Variants in MORN1 observed in about 807,000 individuals in gnomAD.
MORN1 encodes MORN repeat-containing protein 1.
In MORN1, 67 loss-of-function variants were observed where a neutral mutation model predicts 61.9. The observed-to-expected ratio is 1.08, with a 90% CI of 0.89 to 1.33. MORN1 has a LOEUF of 1.33. Among genes scored for constraint, MORN1 ranks in the 40% most tolerant of loss-of-function variants. The pLI, the probability that MORN1 is intolerant of heterozygous loss-of-function variation, is 0.00. For synonymous variants in MORN1, 301 were observed against 292.0 expected (o/e 1.03, Z -0.31); for missense variants, 752 against 691.2 (o/e 1.09, Z -0.99).
chr1:2,357,049 G>A lies in MORN1; in HGVS notation c.1036+383C>T, dbSNP rs554361514. Among the ~76,000 whole-genome samples the A allele has an allele frequency of 1.8e-3, 267 of 152,288 alleles. No homozygotes were observed. The highest frequency in any genetic ancestry group is 2.9e-3 in the Non-Finnish European group (196 of 68,002). On this transcript the variant is annotated intron_variant, in intron 10 of 13. Coordinates refer to ENST00000378531, the MANE Select transcript of MORN1 (RefSeq NM_024848.3). This position sits in a 1 kb window ranked among gnomAD's most constrained non-coding sequence, Gnocchi z 6.3. ...CGGCGCCGCGGCCCCCAGAGCCATG[G>A]CCGGCGGCTGCTGTGAGGGCTCCCG...
rs1340816240 is a variant in MORN1 at position 2,337,025 on chromosome 1, C to T, written c.1037-175G>A. Reference sequence around the variant, plus strand: ...GCAGGGACTGTCCATCCTGGGTGCTCCCTCCGGCCGCCGACAGGGGAGGTG... The same window carrying T: ...GCAGGGACTGTCCATCCTGGGTGCTTCCTCCGGCCGCCGACAGGGGAGGTG... On this transcript the variant is annotated intron_variant, in intron 10 of 13. Coordinates refer to ENST00000378531, the MANE Select transcript of MORN1 (RefSeq NM_024848.3). The surrounding 1 kb of genome is among the most constrained non-coding windows in gnomAD (Gnocchi z 5.7). Among the ~76,000 whole-genome samples the T allele has an allele frequency of 2.0e-5, 3 of 152,102 alleles. No homozygotes were observed. Among genetic ancestry groups the T allele is most frequent in the South Asian group, 2.1e-4 (1 of 4,826 alleles).
chr1:2,356,976 C>A (rs1013468711), intron 10 of MORN1, among the ~76,000 whole-genome samples: 3 of 152,200 alleles, frequency 2.0e-5, no homozygotes, highest in African/African-American at 4.8e-5. Flanking sequence ...CGTGAGGCAA[C>A]CCGTGCAGAA....
chr1:2,361,814 C>A (rs1641896389), intron 8 of MORN1, among the ~76,000 whole-genome samples: 1 of 152,116 alleles, frequency 6.6e-6, no homozygotes, highest in South Asian at 2.1e-4. Flanking sequence ...ACACTGTTGA[C>A]CAGAAGCCTT....
intron 10 of MORN1, among the ~76,000 whole-genome samples, chr1:2,341,014 C>T (rs999890607): frequency 5.9e-5 from 9 of 152,256 alleles, no homozygotes; most frequent in African/African-American, 1.4e-4. Context: ...CCTCCTTGCA[C>T]GTCTCCACCC....
chr1:2,380,393 C>G (rs1642345421), intron 6 of MORN1, among the ~76,000 whole-genome samples: 1 of 152,162 alleles, frequency 6.6e-6, no homozygotes, highest in African/African-American at 2.4e-5. Flanking sequence ...AAATCCCAGC[C>G]CTTTGGGGGC....
At chr1:2,346,817 G>C (rs115202793) in intron 10 of MORN1, among the ~76,000 whole-genome samples, 5 of 152,188 alleles carry the variant, frequency 3.3e-5, no homozygotes, top group African/African-American at 9.7e-5. Context: ...GAGTACCGAG[G>C]CTCCTGCCGG....
intron 10 of MORN1, among the ~76,000 whole-genome samples, chr1:2,354,221 C>T (rs535019532): frequency 5.3e-5 from 8 of 152,216 alleles, no homozygotes; most frequent in South Asian, 2.1e-4. Flanking sequence ...AGGACCCTGC[C>T]GACCGTGCTC....
intron 10 of MORN1, among the ~76,000 whole-genome samples, chr1:2,349,571 T>A (rs1641602187): frequency 6.6e-6 from 1 of 152,200 alleles, no homozygotes; most frequent in South Asian, 2.1e-4. Flanking sequence ...GAAAAAGAAT[T>A]TATAGCACAA....
At position 2,336,808 on chromosome 1, in the gene MORN1, A is replaced by G. The variant is rs764789089; in HGVS notation, c.1079T>C (p.Val360Ala). Reference protein sequence around the residue: ...APHCPGACQRVEQGCAEFTDV... With the variant: ...APHCPGACQRAEQGCAEFTDV... ...TGTGAACTCGGCACAGCCCTGCTCC[A>G]CTCGCTGACAGGCCCCGGGACAATG... is the stretch of plus-strand genomic sequence containing the variant. The change falls in exon 11 of 14, where the codon GTG becomes GCG. Residue 360 changes from valine (V) to alanine (A), a missense_variant. Transcript: ENST00000378531. 1 of 1,598,196 alleles carries G rather than the reference A, an allele frequency of 6.3e-7. No individual in the cohort carries two copies. Among genetic ancestry groups the G allele is most frequent in the East Asian group, 2.2e-5 (1 of 44,526 alleles).
chr1:2,334,047 A>G lies in MORN1; in HGVS notation c.1250+2422T>C, dbSNP rs1455903628. ...GAGCTTCTTCCTCACCGCAGAGCAG[A>G]CAGAAGGCATGGGGGTCACAGCTGG... is the stretch of plus-strand genomic sequence containing the variant. On this transcript the variant is annotated intron_variant, in intron 12 of 13. Coordinates refer to ENST00000378531, the MANE Select transcript of MORN1 (RefSeq NM_024848.3). The surrounding 1 kb of genome is among the most constrained non-coding windows in gnomAD (Gnocchi z 5.4). 3.3e-5 allele frequency among the ~76,000 whole-genome samples: 5 copies of G among 152,082 alleles called. No individual in the cohort carries two copies. The highest frequency in any genetic ancestry group is 7.4e-5 in the Non-Finnish European group (5 of 68,006).
Position 2,358,679 on chromosome 1 carries a change from A to T in MORN1, c.782T>A (p.Val261Asp), listed in dbSNP as rs760812786. Residue 261 changes from valine (V) to aspartate (D), a missense_variant, in exon 9 of 14, where the codon GTC becomes GAC. Transcript: ENST00000378531. ...SGRVLQISAG[V>D]RYVQLSAYSE... is the part of the protein sequence containing the mutation. ...GTAGGCTGACAGCTGCACGTATCTG[A>T]CGCCCGCTGAGATCTGCAGGACCCG... 1 of 1,613,634 alleles carries T rather than the reference A, an allele frequency of 6.2e-7. No individual in the cohort carries two copies.
intron 8 of MORN1, chr1:2,371,239 A>ACAC (rs1216826685): frequency 2.0e-5 from 3 of 150,926 alleles, no homozygotes; most frequent in Admixed American, 6.6e-5. Context: ...AACAACAACA[A>ACAC]CACCAAGAAG....
rs1296096546 is a variant in MORN1 at position 2,324,210 on chromosome 1, C to T, written c.1251-67G>A. The stretch of plus-strand genomic sequence containing the variant: ...GGCCCCGACGACATGGCATCCCTGA[C>T]CTGAACCAGGGCTAGTGGCTCCAGG... On this transcript the variant is annotated intron_variant, in intron 12 of 13. Transcript: ENST00000378531. 4.7e-6 allele frequency: 7 copies of T among 1,502,622 alleles called. No homozygotes were observed. In the East Asian group the frequency reaches 1.2e-4, roughly 26 times the overall value. 93.1% of individuals were successfully genotyped at this position (1,502,622 alleles called of 1,614,324 possible). A position where few individuals can be genotyped will look rare whatever the true frequency, so the allele number is the denominator to read the frequency against.
At position 2,334,521 on chromosome 1, in the gene MORN1, G is replaced by A. The variant is rs1214757596; in HGVS notation, c.1250+1948C>T. ...GTAAGGCCAGCTGCATGGAGAGGCG[G>A]GGCTCCCTTGGGGGAGCAGGCCTGG... On this transcript the variant is annotated intron_variant, in intron 12 of 13. Coordinates refer to ENST00000378531, the MANE Select transcript of MORN1 (RefSeq NM_024848.3). The surrounding 1 kb of genome is among the most constrained non-coding windows in gnomAD (Gnocchi z 5.4). Among the ~76,000 whole-genome samples the A allele has an allele frequency of 6.6e-6, 1 of 152,106 alleles. No individual in the cohort carries two copies. The highest frequency in any genetic ancestry group is 1.5e-5 in the Non-Finnish European group (1 of 67,988).
chr1:2,323,339 G>C, intron 13 of MORN1: 12 of 985,454 alleles, frequency 1.2e-5, no homozygotes, highest in Non-Finnish European at 1.4e-5. Flanking sequence ...AGACCCCAGT[G>C]AGCAGCGGGT....
At chr1:2,327,440 G>GCAGAAACACAGCAACACAAACA (rs1641058212) in intron 12 of MORN1, among the ~76,000 whole-genome samples, 1 of 135,902 alleles carries the variant, frequency 7.4e-6, no homozygotes, top group Admixed American at 7.3e-5. Context: ...ACACAGCGAC[G>GCAGAAACACAGCAACACAAACA]CAGAAACACA....
chr1:2,388,606 C>T (rs938851355), intron 2 of MORN1: 21 of 359,914 alleles, frequency 5.8e-5, no homozygotes, highest in Non-Finnish European at 1.0e-4. Context: ...GGAGAGACCC[C>T]GTCTCTACAC....
intron 10 of MORN1, among the ~76,000 whole-genome samples, chr1:2,345,407 C>T (rs761558696): frequency 4.6e-5 from 7 of 152,238 alleles, no homozygotes; most frequent in East Asian, 1.9e-4. Context: ...CAGGACAATT[C>T]GGGGCACTTG....
chr1:2,336,417 G>A (rs1284521767), intron 12 of MORN1, 52 bp downstream of exon 12: 24 of 1,558,678 alleles, frequency 1.5e-5, no homozygotes, highest in Non-Finnish European at 2.0e-5. Flanking sequence ...AGCTGATGAG[G>A]AGGCCACAGC....
Sources: allele counts gnomAD v4.1 joint callset (sites outside exome capture counted in the v4.1 genomes callset), GRCh38; gene constraint gnomAD v4.1.1; non-coding constraint Gnocchi (gnomAD v3.1); transcripts MANE v1.5; gene names NCBI Gene and HGNC (gene_info 2026-07-23, HGNC 2026-07-21).